The following MBOAT2 variants were observed in gnomAD, a reference collection of about 807,000 sequenced individuals.
MBOAT2 encodes the protein membrane-bound glycerophospholipid O-acyltransferase 2.
In MBOAT2, 28 loss-of-function variants were observed where a neutral mutation model predicts 63.4. That is an observed-to-expected ratio of 0.44 (90% CI 0.33 to 0.61). The LOEUF (loss-of-function observed/expected upper bound fraction) is 0.61. Ranked by LOEUF, MBOAT2 falls within the 20% of genes least tolerant of loss-of-function variation. The pLI, the probability that MBOAT2 is intolerant of heterozygous loss-of-function variation, is 0.03. For synonymous variants in MBOAT2, 211 were observed against 215.6 expected (o/e 0.98, Z 0.19); for missense variants, 470 against 605.8 (o/e 0.78, Z 2.35).
At chr2:8,993,773 G>A (rs992136268) in intron 1 of MBOAT2, among the ~76,000 whole-genome samples, 10 of 152,176 alleles carry the variant, frequency 6.6e-5, no homozygotes, top group African/African-American at 2.2e-4. Flanking sequence ...TGTACCCTGT[G>A]TCTTGTTCAC....
intron 1 of MBOAT2, among the ~76,000 whole-genome samples, chr2:8,994,165 C>T (rs1672109205): frequency 5.9e-5 from 9 of 151,904 alleles, no homozygotes; most frequent in Admixed American, 5.9e-4. Flanking sequence ...CCTAGGCAGA[C>T]GGGACACAAA....
chr2:8,953,919 T>C (rs1669017650), intron 2 of MBOAT2, among the ~76,000 whole-genome samples: 1 of 152,238 alleles, frequency 6.6e-6, no homozygotes, highest in Non-Finnish European at 1.5e-5. Context: ...TTATCTGTCA[T>C]TTCTGAGTTT....
chr2:8,903,100 C>T (rs562072490), intron 4 of MBOAT2, among the ~76,000 whole-genome samples: 3 of 152,248 alleles, frequency 2.0e-5, no homozygotes, highest in African/African-American at 4.8e-5. Context: ...AGTCCCCACC[C>T]GATTAGCTAG....
chr2:8,887,709 G>A (rs1239156414), intron 5 of MBOAT2, among the ~76,000 whole-genome samples: 1 of 152,152 alleles, frequency 6.6e-6, no homozygotes, highest in Non-Finnish European at 1.5e-5. Context: ...GCTGAAGCAG[G>A]AAATAATAAA....
Position 8,873,279 on chromosome 2 carries a change from A to G in MBOAT2, c.712T>C (p.Leu238=). ...SPNTAVVQKL[L]VCGLSLLFHL... ...AATAACAAGGACAGCCCACAAACTA[A>G]GAGCTTCTGAACAACCGCAGTCTGA... Residue 238 remains leucine (L), a synonymous_variant, in exon 8 of 13, where the codon TTA becomes CTA. Coordinates refer to ENST00000305997, the MANE Select transcript of MBOAT2 (RefSeq NM_138799.4). 1 of 1,613,858 alleles carries G rather than the reference A, an allele frequency of 6.2e-7. No individual in the cohort carries two copies. Among genetic ancestry groups the G allele is most frequent in the Non-Finnish European group, 8.5e-7 (1 of 1,179,824 alleles).
At chr2:8,967,594 T>C (rs1433630752) in intron 1 of MBOAT2, among the ~76,000 whole-genome samples, 1 of 152,190 alleles carries the variant, frequency 6.6e-6, no homozygotes, top group Non-Finnish European at 1.5e-5. Flanking sequence ...TTAAAACTAA[T>C]ATTGAAATAT....
intron 4 of MBOAT2, among the ~76,000 whole-genome samples, chr2:8,901,281 A>G (rs1188212706): frequency 6.6e-6 from 1 of 152,206 alleles, no homozygotes; most frequent in East Asian, 1.9e-4. Context: ...CCAGCACAGC[A>G]GCAGAAACAT....
intron 1 of MBOAT2, among the ~76,000 whole-genome samples, chr2:8,989,667 G>T (rs905338264): frequency 3.9e-5 from 6 of 152,136 alleles, no homozygotes; most frequent in African/African-American, 1.4e-4. Context: ...TCTCTGAAAG[G>T]TAACCACGAA....
At chr2:8,920,686 ATCT>A (rs199578526) in intron 3 of MBOAT2, among the ~76,000 whole-genome samples, 3,431 of 152,284 alleles carry the variant, frequency 0.023, 141 homozygotes, top group African/African-American at 0.078. Context: ...TCTCCATTTA[ATCT>A]TCTCTCAGGA....
At chr2:8,863,738 T>C (rs966466999) in intron 10 of MBOAT2, among the ~76,000 whole-genome samples, 1 of 152,246 alleles carries the variant, frequency 6.6e-6, no homozygotes, top group African/African-American at 2.4e-5. Flanking sequence ...TACTCATGTT[T>C]GTTTCCCTTG....
At position 8,901,821 on chromosome 2, in the gene MBOAT2, G is replaced by T. The variant is rs28863876; in HGVS notation, c.395+6800C>A. ...GTTTATACTAGAAATCATTCTTACA[G>T]GAGAAACTAGAAAAGAATCAGAGAC... On this transcript the variant is annotated intron_variant, in intron 4 of 12. Coordinates refer to ENST00000305997, the MANE Select transcript of MBOAT2 (RefSeq NM_138799.4). Among the ~76,000 whole-genome samples, 1,380 of 152,278 alleles carry T rather than the reference G, an allele frequency of 9.1e-3. 54 individuals carry two copies. The highest frequency in any genetic ancestry group is 0.07 in the Admixed American group (1,064 of 15,284).
intron 1 of MBOAT2, among the ~76,000 whole-genome samples, chr2:9,002,716 T>A (rs1672789554): frequency 6.6e-6 from 1 of 151,378 alleles, no homozygotes; most frequent in African/African-American, 2.4e-5. Flanking sequence ...GCTTTTCCCA[T>A]CACAATGCTG....
intron 1 of MBOAT2, among the ~76,000 whole-genome samples, chr2:8,968,572 A>G (rs926834791): frequency 1.3e-5 from 2 of 152,230 alleles, no homozygotes; most frequent in Non-Finnish European, 2.9e-5. Context: ...CAGACGATCA[A>G]ACTTCTCTGA....
intron 6 of MBOAT2, among the ~76,000 whole-genome samples, chr2:8,879,479 T>C (rs1214009322): frequency 1.3e-5 from 2 of 152,230 alleles, no homozygotes; most frequent in South Asian, 2.1e-4. Flanking sequence ...TTAAGTCTAA[T>C]TGTAATGTAT....
At chr2:8,954,726 C>A (rs1359235310) in intron 2 of MBOAT2, among the ~76,000 whole-genome samples, 2 of 152,158 alleles carry the variant, frequency 1.3e-5, no homozygotes, top group Non-Finnish European at 2.9e-5. Context: ...CAAGCAGATG[C>A]TCTGAATGCC....
At chr2:8,883,717 C>T (rs1663320068) in intron 5 of MBOAT2, among the ~76,000 whole-genome samples, 1 of 152,194 alleles carries the variant, frequency 6.6e-6, no homozygotes, top group African/African-American at 2.4e-5. Context: ...TTTCTACCTT[C>T]TATTCCTACA....
chr2:8,965,660 T>C (rs1669927801), intron 1 of MBOAT2, among the ~76,000 whole-genome samples: 1 of 152,154 alleles, frequency 6.6e-6, no homozygotes, highest in Admixed American at 6.5e-5. Context: ...TCCTCCCTCT[T>C]ACTAGAACAC....
rs190116055 is a variant in MBOAT2, at chr2:8,874,920, C to T, written c.691-1620G>A. Among the ~76,000 whole-genome samples, 10 of 152,314 alleles carry T rather than the reference C, an allele frequency of 6.6e-5. 1 individual carries two copies. In the South Asian group the frequency reaches 8.3e-4, roughly 13 times the overall value. On this transcript the variant is annotated intron_variant, in intron 7 of 12. Transcript: ENST00000305997. ...AGGATATGAGCAAAAGTAATATGTA[C>T]AGGGAAGATGGAGCTTGGATCTCTA...
intron 6 of MBOAT2, among the ~76,000 whole-genome samples, chr2:8,878,165 G>A (rs542282228): frequency 6.6e-6 from 1 of 152,296 alleles, no homozygotes; most frequent in African/African-American, 2.4e-5. Flanking sequence ...GCTGTGAGGT[G>A]GAGGAGAAAA....
Sources: gnomAD v4.1 joint callset for allele counts (sites outside exome capture counted in the v4.1 genomes callset) on GRCh38, gnomAD v4.1.1 for gene constraint, MANE v1.5 for transcripts, NCBI Gene and HGNC (gene_info 2026-07-23, HGNC 2026-07-21) for gene names.